Variants in ADGRL2 observed in about 807,000 individuals in gnomAD.
The protein encoded by ADGRL2 is calcium-independent alpha-latrotoxin receptor 2.
In ADGRL2, 44 loss-of-function variants were observed where a neutral mutation model predicts 157.4. The ratio of observed to expected loss-of-function variants is 0.28; its 90% CI spans 0.22 to 0.36. The LOEUF (loss-of-function observed/expected upper bound fraction) is 0.36. ADGRL2 is among the 10% of genes least tolerant of loss of function. The probability of loss-of-function intolerance (pLI) is 1.00; values close to 1 mark genes in which losing one functional copy is unlikely to be tolerated. For missense variants in ADGRL2, 1,510 were observed against 1,768.9 expected (o/e 0.85, Z 2.63); for synonymous variants, 585 against 624.7 (o/e 0.94, Z 0.95).
rs372970398 is a variant in ADGRL2, at chr1:81,409,630, T to A, written c.-301-35406T>A. 1.4e-4 allele frequency among the ~76,000 whole-genome samples: 22 copies of A among 152,356 alleles called. No individual in the cohort carries two copies. The East Asian group carries it at 3.1e-3, about 21-fold the overall frequency. ...ACAATTACTGTTACTGATCATTTTCTTGCTTTAAATAAAGTACATCTCTTC... is the reference window on the plus strand; with the variant it reads ...ACAATTACTGTTACTGATCATTTTCATGCTTTAAATAAAGTACATCTCTTC... On this transcript the variant is annotated intron_variant, in intron 1 of 24. Transcript: ENST00000370721.
chr1:81,986,762 T>C, intron 21 of ADGRL2, 139 bp from the exon 22 acceptor site: 1 of 771,040 alleles, frequency 1.3e-6, no homozygotes. Context: ...AGTCAGAACA[T>C]TTCAACAGAT....
chr1:81,628,775 T>G (rs1026655664), intron 3 of ADGRL2, among the ~76,000 whole-genome samples: 2 of 152,200 alleles, frequency 1.3e-5, no homozygotes, highest in African/African-American at 4.8e-5. Context: ...GGCATGCATA[T>G]GTTATAACCT....
chr1:81,988,528 T>C (rs1663835449), intron 23 of ADGRL2: 1 of 152,048 alleles, frequency 6.6e-6, no homozygotes, highest in African/African-American at 2.4e-5. Flanking sequence ...AGCTAGAGAA[T>C]TGTGTCTACC....
intron 3 of ADGRL2, among the ~76,000 whole-genome samples, chr1:81,625,171 C>T (rs906052114): frequency 6.6e-6 from 1 of 152,114 alleles, no homozygotes; most frequent in African/African-American, 2.4e-5. Flanking sequence ...TAATATATTT[C>T]CTGAATGAGA....
chr1:81,938,661 T>C (rs968184895), intron 4 of ADGRL2, among the ~76,000 whole-genome samples: 1 of 151,714 alleles, frequency 6.6e-6, no homozygotes, highest in African/African-American at 2.4e-5. Context: ...TCTATGGGTT[T>C]TTTTTAATCA....
intron 2 of ADGRL2, chr1:81,502,520 C>T (rs989567955): frequency 2.5e-5 from 40 of 1,613,972 alleles, no homozygotes; most frequent in Non-Finnish European, 3.4e-6. Flanking sequence ...CAAACAGATC[C>T]TGGACCTGTA....
chr1:81,966,709 T>C (rs937964241), intron 13 of ADGRL2, 100 bp downstream of exon 13: 3 of 974,268 alleles, frequency 3.1e-6, no homozygotes, highest in Non-Finnish European at 4.8e-6. Flanking sequence ...ACTGGGGAGA[T>C]GGGAGGGAGG....
intron 3 of ADGRL2, among the ~76,000 whole-genome samples, chr1:81,672,192 A>G (rs1026215986): frequency 2.6e-5 from 4 of 152,206 alleles, no homozygotes; most frequent in Non-Finnish European, 4.4e-5. Flanking sequence ...AAAACTCTGC[A>G]GATTTCTAAG....
chr1:81,765,035 T>C (rs1002672219), intron 2 of ADGRL2, among the ~76,000 whole-genome samples: 1 of 152,042 alleles, frequency 6.6e-6, no homozygotes, highest in Non-Finnish European at 1.5e-5. Context: ...ATTTTGATAA[T>C]ATTCCTTCTA....
At chr1:81,895,758 A>G (rs1353344966) in intron 2 of ADGRL2, among the ~76,000 whole-genome samples, 1 of 152,148 alleles carries the variant, frequency 6.6e-6, no homozygotes, top group African/African-American at 2.4e-5. Flanking sequence ...TGCTTTAAAA[A>G]AATTGCTTAT....
Position 81,343,087 on chromosome 1 carries a change from C to CTTTTTTTTTTTTT in ADGRL2, c.-302+36582_-302+36583insTTTTTTTTTTTTT, listed in dbSNP as rs764039251. 3.1e-5 allele frequency among the ~76,000 whole-genome samples: 4 copies of CTTTTTTTTTTTTT among 127,490 alleles called. 1 individual carries two copies. Among genetic ancestry groups the CTTTTTTTTTTTTT allele is most frequent in the Non-Finnish European group, 3.3e-5 (2 of 60,090 alleles). The allele number at this position is 127,490 out of a possible 152,430, so 83.6% of individuals were successfully genotyped here. On this transcript the variant is annotated intron_variant, in intron 1 of 24. Coordinates refer to the ADGRL2 transcript ENST00000370721. ...TTTTTCTTTTCTTTTTTTCTTTTTT[C>CTTTTTTTTTTTTT]TTTTCTTTTTTTTTTTTTTGAGACA... is the stretch of plus-strand genomic sequence containing the variant.
At chr1:81,422,355 C>T (rs2101552398) in intron 1 of ADGRL2, among the ~76,000 whole-genome samples, 1 of 152,316 alleles carries the variant, frequency 6.6e-6, no homozygotes, top group East Asian at 1.9e-4. Context: ...AGCGATTCTC[C>T]TGCCTTAGCC....
At chr1:81,883,846 A>G (rs1291825196) in intron 2 of ADGRL2, among the ~76,000 whole-genome samples, 1 of 152,138 alleles carries the variant, frequency 6.6e-6, no homozygotes, top group Non-Finnish European at 1.5e-5. Context: ...AAGTTAAGAT[A>G]TGTGGTATTT....
Position 81,739,904 on chromosome 1 carries a change from GAC to G in ADGRL2, c.-142-21903_-142-21902del, listed in dbSNP as rs1276756309. Among the ~76,000 whole-genome samples the G allele has an allele frequency of 2.6e-5, 4 of 152,184 alleles. No homozygotes were observed. The East Asian group carries it at 7.7e-4, about 29-fold the overall frequency. On this transcript the variant is annotated intron_variant, in intron 1 of 20. Transcript: ENST00000359929. ...GTTATTCTGATAATACCAGATGCCT[GAC>G]ACAACACATACATGCACAAACACAT...
intron 1 of ADGRL2, among the ~76,000 whole-genome samples, chr1:81,326,574 T>G (rs2100664065): frequency 6.6e-6 from 1 of 152,310 alleles, no homozygotes; most frequent in African/African-American, 2.4e-5. Context: ...TCCAGCTATG[T>G]TCAAAGAATC....
chr1:81,541,422 C>T (rs182593246), intron 2 of ADGRL2, among the ~76,000 whole-genome samples: 1 of 152,268 alleles, frequency 6.6e-6, no homozygotes, highest in East Asian at 1.9e-4. Context: ...TGCACTTACA[C>T]TTTACCAGTG....
In ADGRL2 at chr1:81,484,680, A is replaced by G. The variant is rs563206681; in HGVS notation, c.-248+39591A>G. Among the ~76,000 whole-genome samples, 20 of 152,302 alleles carry G rather than the reference A, an allele frequency of 1.3e-4. 2 individuals are homozygous for G. The highest frequency in any genetic ancestry group is 4.8e-4 in the African/African-American group (20 of 41,560). On this transcript the variant is annotated intron_variant, in intron 2 of 24. Coordinates refer to the ADGRL2 transcript ENST00000370721. ...TAGTCCTTTGTTCATGAACAGGACAACTTGGCACAAAGCAAGGTCTCTTAA... is the reference window on the plus strand; with the variant it reads ...TAGTCCTTTGTTCATGAACAGGACAGCTTGGCACAAAGCAAGGTCTCTTAA...
intron 2 of ADGRL2, among the ~76,000 whole-genome samples, chr1:81,861,636 C>T (rs2093391528): frequency 6.6e-6 from 1 of 151,794 alleles, no homozygotes. Flanking sequence ...TGCCTGTTTT[C>T]CCAGCCCTTC....
Position 81,559,419 on chromosome 1 carries a change from G to A in ADGRL2, c.-247-21457G>A, listed in dbSNP as rs573706773. 4.8e-4 allele frequency among the ~76,000 whole-genome samples: 73 copies of A among 151,216 alleles called. 2 individuals are homozygous for A. Among genetic ancestry groups the A allele is most frequent in the African/African-American group, 1.7e-3 (69 of 41,242 alleles). ...ATAGGGCTCTAACACATCACAGTAC[G>A]TGGTCTGTGCCCAATAAGCTATGCT... On this transcript the variant is annotated intron_variant, in intron 2 of 24. Transcript: ENST00000370721.
Sources: allele counts gnomAD v4.1 joint callset (sites outside exome capture counted in the v4.1 genomes callset), GRCh38; gene constraint gnomAD v4.1.1; transcripts MANE v1.5; gene names NCBI Gene and HGNC (gene_info 2026-07-23, HGNC 2026-07-21).